ENOX2: variants seen among roughly 807,000 people sequenced by gnomAD.
ENOX2 encodes the protein ecto-NOX disulfide-thiol exchanger 2.
A neutral mutation model predicts 45.0 loss-of-function variants in ENOX2; 36 were observed. The ratio of observed to expected loss-of-function variants is 0.80; its 90% CI spans 0.61 to 1.06. The LOEUF (loss-of-function observed/expected upper bound fraction) is 1.06. Among genes scored for constraint, ENOX2 ranks in the 50% least tolerant of loss-of-function variants. The pLI, the probability that ENOX2 is intolerant of heterozygous loss-of-function variation, is 0.00. For synonymous variants in ENOX2, 174 were observed against 152.3 expected (o/e 1.14, Z -1.05); for missense variants, 423 against 462.5 (o/e 0.91, Z 0.78).
At chrX:130,900,420 G>A (rs925013217) in intron 2 of ENOX2, among the ~76,000 whole-genome samples, 1 of 112,079 alleles carries the variant, frequency 8.9e-6, no homozygotes, top group East Asian at 2.8e-4. Flanking sequence ...GATGCCCTAC[G>A]TTTTGAGAAC....
intron 2 of ENOX2, among the ~76,000 whole-genome samples, chrX:130,820,055 C>T (rs1243053307): frequency 1.8e-5 from 2 of 111,766 alleles, no homozygotes; most frequent in Non-Finnish European, 1.9e-5. Flanking sequence ...AGAAAACATT[C>T]GCAAACCATT....
intron 9 of ENOX2, among the ~76,000 whole-genome samples, chrX:130,658,907 A>T (rs1452726676): frequency 3.6e-5 from 4 of 112,361 alleles, no homozygotes; most frequent in African/African-American, 1.3e-4. Context: ...GCTGAAGGGA[A>T]GTGCTAATGG....
intron 6 of ENOX2, 27 bp from the exon 7 acceptor site, chrX:130,670,225 G>A (rs757373561): frequency 5.0e-5 from 52 of 1,039,725 alleles, no homozygotes; most frequent in Non-Finnish European, 7.0e-5. Flanking sequence ...GTGAAAGGGA[G>A]AGGAGAGAGG....
chrX:130,752,233 G>A (rs903398909), intron 3 of ENOX2, among the ~76,000 whole-genome samples: 1 of 107,437 alleles, frequency 9.3e-6, no homozygotes, highest in African/African-American at 3.4e-5. Context: ...TTCCCTGCAT[G>A]TGACTCCCTC....
At chrX:130,731,056 T>C (rs1345905867) in intron 3 of ENOX2, among the ~76,000 whole-genome samples, 2 of 110,980 alleles carry the variant, frequency 1.8e-5, no homozygotes, top group Non-Finnish European at 1.9e-5. Flanking sequence ...TACATTCAGA[T>C]GGTTGAAGGG....
intron 3 of ENOX2, among the ~76,000 whole-genome samples, chrX:130,725,025 C>T (rs1187623771): frequency 9.0e-6 from 1 of 111,414 alleles, no homozygotes; most frequent in African/African-American, 3.3e-5. Flanking sequence ...CCCATAGCTG[C>T]AGTCTCCTTA....
At chrX:130,694,282 C>A (rs2037692078) in intron 4 of ENOX2, among the ~76,000 whole-genome samples, 1 of 111,967 alleles carries the variant, frequency 8.9e-6, no homozygotes, top group Non-Finnish European at 1.9e-5. Context: ...AGAAAGTACA[C>A]TAAACAGCCA....
At chrX:130,762,251 T>C (rs761485896) in intron 3 of ENOX2, among the ~76,000 whole-genome samples, 55 of 112,181 alleles carry the variant, frequency 4.9e-4, no homozygotes, top group African/African-American at 1.8e-3. Context: ...TTTGATATGT[T>C]GTATTTTCAT....
At chrX:130,811,625 T>C (rs1306849791) in intron 2 of ENOX2, among the ~76,000 whole-genome samples, 1 of 112,424 alleles carries the variant, frequency 8.9e-6, no homozygotes, top group Non-Finnish European at 1.9e-5. Context: ...CTTTTTTAAA[T>C]GTGCAGATAC....
chrX:130,795,897 A>T (rs1311864212), intron 2 of ENOX2, among the ~76,000 whole-genome samples: 1 of 110,855 alleles, frequency 9.0e-6, no homozygotes, highest in Non-Finnish European at 1.9e-5. Context: ...AGTTTTACCT[A>T]ACCCCCAAAA....
rs148674081 is a variant in ENOX2 at position 130,665,791 on chromosome X, T to C, written c.908-42A>G. 1,163 of 802,571 alleles carry C rather than the reference T, an allele frequency of 1.4e-3. 20 individuals carry two copies. The East Asian group carries it at 0.036, about 25-fold the overall frequency. 66.1% of individuals were successfully genotyped at this position (802,571 alleles called of 1,213,427 possible). A position where few individuals can be genotyped will look rare whatever the true frequency, so the allele number is the denominator to read the frequency against. On this transcript the variant is annotated intron_variant, in intron 8 of 14. Coordinates refer to ENST00000394363, the MANE Select transcript of ENOX2 (RefSeq NM_006375.4). ...GCAGTTGGATCAGGCCAGGGTATCA[T>C]CCAGGGATGGAAAAAGAGAGGAGAA...
chrX:130,716,294 C>A (rs1225404154), intron 3 of ENOX2, among the ~76,000 whole-genome samples: 1 of 112,190 alleles, frequency 8.9e-6, no homozygotes, highest in Non-Finnish European at 1.9e-5. Context: ...CTGATTAATG[C>A]ATTTTCTGAA....
At chrX:130,746,561 T>C (rs1371198240) in intron 3 of ENOX2, among the ~76,000 whole-genome samples, 1 of 111,864 alleles carries the variant, frequency 8.9e-6, no homozygotes, top group South Asian at 3.8e-4. Flanking sequence ...TTTTTAAATA[T>C]CACTGCTATG....
chrX:130,762,770 C>G (rs1375742028), intron 3 of ENOX2, among the ~76,000 whole-genome samples: 2 of 111,414 alleles, frequency 1.8e-5, no homozygotes, highest in Non-Finnish European at 3.8e-5. Flanking sequence ...GTTTAATGAC[C>G]CACGATGTAG....
At chrX:130,847,881 A>G (rs1429161375) in intron 2 of ENOX2, among the ~76,000 whole-genome samples, 2 of 112,185 alleles carry the variant, frequency 1.8e-5, no homozygotes, top group Non-Finnish European at 3.8e-5. Flanking sequence ...TAATAACTTC[A>G]GACAAGTTTT....
chrX:130,886,712 G>A (rs1483178739), intron 2 of ENOX2, among the ~76,000 whole-genome samples: 1 of 111,383 alleles, frequency 9.0e-6, no homozygotes, highest in Non-Finnish European at 1.9e-5. Flanking sequence ...CCTGAGTTCA[G>A]TAATGAAAAA....
chrX:130,638,360 C>G (rs1340726689), intron 10 of ENOX2, among the ~76,000 whole-genome samples: 1 of 109,771 alleles, frequency 9.1e-6, no homozygotes, highest in Non-Finnish European at 1.9e-5. Flanking sequence ...GCCACCACGC[C>G]TGGCCCAAGA....
At chrX:130,821,692 A>T (rs1370236502) in intron 2 of ENOX2, among the ~76,000 whole-genome samples, 4 of 84,749 alleles carry the variant, frequency 4.7e-5, no homozygotes, top group African/African-American at 1.3e-4. Flanking sequence ...AAAGTATAAT[A>T]AAAAAAAAAA....
chrX:130,800,591 T>C (rs1174331535), intron 2 of ENOX2, among the ~76,000 whole-genome samples: 1 of 112,029 alleles, frequency 8.9e-6, no homozygotes, highest in Non-Finnish European at 1.9e-5. Flanking sequence ...TCTTAATAAT[T>C]GTCTTCCCTT....
Sources: gnomAD v4.1 joint callset for allele counts (sites outside exome capture counted in the v4.1 genomes callset) on GRCh38, gnomAD v4.1.1 for gene constraint, MANE v1.5 for transcripts, NCBI Gene and HGNC (gene_info 2026-07-23, HGNC 2026-07-21) for gene names.